Variants in MAD1L1 observed in about 807,000 individuals in gnomAD.
The protein encoded by MAD1L1 is mitotic arrest deficient 1 like 1, also known as mitotic spindle assembly checkpoint protein MAD1.
A neutral mutation model predicts 96.9 loss-of-function variants in MAD1L1; 95 were observed. That is an observed-to-expected ratio of 0.98 (90% CI 0.83 to 1.16). The LOEUF (loss-of-function observed/expected upper bound fraction) is 1.16. MAD1L1 is among the 50% of genes most tolerant of loss of function. The probability of loss-of-function intolerance (pLI) is 0.00; values close to 1 mark genes in which losing one functional copy is unlikely to be tolerated. For synonymous variants in MAD1L1, 473 were observed against 396.6 expected (o/e 1.19, Z -2.29); for missense variants, 1,007 against 954.4 (o/e 1.06, Z -0.73).
intron 6 of MAD1L1, among the ~76,000 whole-genome samples, chr7:2,218,867 C>T (rs1793434561): frequency 6.6e-6 from 1 of 152,020 alleles, no homozygotes; most frequent in Non-Finnish European, 1.5e-5. Flanking sequence ...CCACTGCACT[C>T]CAGCCTGGGT....
intron 10 of MAD1L1, among the ~76,000 whole-genome samples, chr7:2,206,018 G>A (rs1792580413): frequency 6.6e-6 from 1 of 152,162 alleles, no homozygotes; most frequent in Admixed American, 6.5e-5. Context: ...TGGAACCCCA[G>A]CTACTCAGGA....
At chr7:2,129,393 G>A (rs374682179) in intron 11 of MAD1L1, among the ~76,000 whole-genome samples, 5 of 152,206 alleles carry the variant, frequency 3.3e-5, no homozygotes, top group Non-Finnish European at 7.3e-5. Flanking sequence ...GGACAGGCAC[G>A]AGCAGGCCAA....
chr7:1,827,398 C>T lies in MAD1L1; in HGVS notation c.1999-11170G>A, dbSNP rs566766881. ...CCTCGCCCAGTGGCTCCCTGAGCCCCGCCCAGGTGTGGGGTCCTCCCCTCC... is the reference window on the plus strand; with the variant it reads ...CCTCGCCCAGTGGCTCCCTGAGCCCTGCCCAGGTGTGGGGTCCTCCCCTCC... On this transcript the variant is annotated intron_variant, in intron 18 of 18. Transcript: ENST00000265854. Among the ~76,000 whole-genome samples the T allele has an allele frequency of 5.3e-4, 80 of 151,706 alleles. 1 individual carries two copies. The highest frequency in any genetic ancestry group is 1.9e-3 in the African/African-American group (77 of 41,262).
chr7:2,152,904 C>T (rs1789650505), intron 10 of MAD1L1, among the ~76,000 whole-genome samples: 1 of 152,110 alleles, frequency 6.6e-6, no homozygotes, highest in African/African-American at 2.4e-5. Flanking sequence ...GTCTGGATGT[C>T]GCCGGGGACA....
Position 1,936,901 on chromosome 7 carries a change from C to A in MAD1L1, c.1597-4G>T, listed in dbSNP as rs760844962. On this transcript the variant is annotated splice_region_variant and splice_polypyrimidine_tract_variant and intron_variant, in intron 16 of 18. Coordinates refer to ENST00000265854, the MANE Select transcript of MAD1L1 (RefSeq NM_001013836.2). ...TCCTGCTCTGGTCATAGTCACCCTG[C>A]AGGAACACACACAGCACAGGTCACC... The A allele has an allele frequency of 1.4e-5, 22 of 1,583,304 alleles. No homozygotes were observed. In the African/African-American group the frequency reaches 2.1e-4, roughly 15 times the overall value.
At chr7:2,158,723 G>A (rs558650870) in intron 10 of MAD1L1, among the ~76,000 whole-genome samples, 1 of 152,208 alleles carries the variant, frequency 6.6e-6, no homozygotes, top group East Asian at 1.9e-4. Context: ...TGGAAAGGTG[G>A]GGTCGCCAGG....
intron 1 of MAD1L1, among the ~76,000 whole-genome samples, chr7:2,231,440 T>A (rs1441855798): frequency 1.3e-5 from 2 of 152,134 alleles, no homozygotes; most frequent in East Asian, 1.9e-4. Context: ...GCCAACATGG[T>A]GAAACCCCAT....
chr7:2,008,145 C>T, intron 13 of MAD1L1, among the ~76,000 whole-genome samples: 1 of 152,222 alleles, frequency 6.6e-6, no homozygotes, highest in African/African-American at 2.4e-5. Flanking sequence ...AATAAGGCTG[C>T]CTTTAAAACA....
chr7:2,000,379 G>A (rs938889874), intron 14 of MAD1L1, among the ~76,000 whole-genome samples: 3 of 152,020 alleles, frequency 2.0e-5, no homozygotes, highest in African/African-American at 7.3e-5. Context: ...CATCCTTTAC[G>A]AATGGACACC....
chr7:2,086,038 C>G (rs3823626), intron 11 of MAD1L1, among the ~76,000 whole-genome samples: 8,140 of 152,276 alleles, frequency 0.053, 394 homozygotes, highest in African/African-American at 0.12. Context: ...CCACCTACCC[C>G]CAGGAATCCC....
intron 10 of MAD1L1, among the ~76,000 whole-genome samples, chr7:2,156,221 G>A (rs1448987272): frequency 1.3e-5 from 2 of 149,044 alleles, no homozygotes; most frequent in Admixed American, 6.6e-5. Flanking sequence ...TTCACGGCGC[G>A]TGTGGCGAGG....
At chr7:1,820,395 CAGG>C (rs1440316113) in intron 18 of MAD1L1, among the ~76,000 whole-genome samples, 2 of 152,080 alleles carry the variant, frequency 1.3e-5, no homozygotes, top group Non-Finnish European at 2.9e-5. Context: ...AAGCCCGAAG[CAGG>C]AGGAGGAAAT....
At chr7:2,006,308 T>C (rs1047091389) in intron 13 of MAD1L1, among the ~76,000 whole-genome samples, 4 of 151,730 alleles carry the variant, frequency 2.6e-5, no homozygotes, top group Non-Finnish European at 5.9e-5. Context: ...TGGGAGCGGG[T>C]GTGGACAGGG....
At chr7:1,831,440 C>A (rs1221085390) in intron 18 of MAD1L1, among the ~76,000 whole-genome samples, 3 of 152,100 alleles carry the variant, frequency 2.0e-5, no homozygotes, top group Non-Finnish European at 2.9e-5. Context: ...GAGACACGAC[C>A]GTCACAACAA....
chr7:1,886,526 G>C (rs549000824), intron 18 of MAD1L1, among the ~76,000 whole-genome samples: 81 of 152,312 alleles, frequency 5.3e-4, no homozygotes, highest in African/African-American at 1.7e-3. Context: ...GGCTGAGTGG[G>C]AGAGCACGGT....
At chr7:2,013,493 A>G (rs1424585989) in intron 13 of MAD1L1, among the ~76,000 whole-genome samples, 2 of 152,030 alleles carry the variant, frequency 1.3e-5, no homozygotes, top group Non-Finnish European at 2.9e-5. Context: ...ATGTCCCTTG[A>G]CGCCCCCAGG....
At chr7:1,888,688 A>G (rs1302098756) in intron 18 of MAD1L1, among the ~76,000 whole-genome samples, 1 of 147,982 alleles carries the variant, frequency 6.8e-6, no homozygotes. Flanking sequence ...GCATGTGTCC[A>G]TGCGTGTGTG....
chr7:1,927,450 T>C (rs117239019), intron 17 of MAD1L1, among the ~76,000 whole-genome samples: 2,387 of 152,262 alleles, frequency 0.016, 36 homozygotes, highest in Non-Finnish European at 0.025. Context: ...GCTACAGTAA[T>C]CAATACCGTG....
chr7:2,215,512 C>G (rs1793219498), intron 9 of MAD1L1, among the ~76,000 whole-genome samples: 2 of 152,168 alleles, frequency 1.3e-5, no homozygotes, highest in Non-Finnish European at 2.9e-5. Context: ...AGGGGACAGT[C>G]CACTTCCCTG....
Sources: allele counts gnomAD v4.1 joint callset (sites outside exome capture counted in the v4.1 genomes callset), GRCh38; gene constraint gnomAD v4.1.1; transcripts MANE v1.5; gene names NCBI Gene and HGNC (gene_info 2026-07-23, HGNC 2026-07-21).